Variants in ELAVL4 observed in about 807,000 individuals in gnomAD.
ELAVL4 encodes the protein ELAV like RNA binding protein 4.
Under a neutral mutation model 35.6 loss-of-function variants are expected in ELAVL4, and 1 was observed. The ratio of observed to expected loss-of-function variants is 0.03; its 90% CI spans 0.01 to 0.13. The LOEUF (loss-of-function observed/expected upper bound fraction) is 0.13. ELAVL4 is among the 10% of genes least tolerant of loss of function. ELAVL4 has a pLI of 1.00. For synonymous variants in ELAVL4, 156 were observed against 171.0 expected (o/e 0.91, Z 0.69); for missense variants, 267 against 464.9 (o/e 0.57, Z 3.91).
chr1:50,167,570 T>C (rs547380712), intron 2 of ELAVL4, among the ~76,000 whole-genome samples: 1 of 152,282 alleles, frequency 6.6e-6, no homozygotes, highest in African/African-American at 2.4e-5. Context: ...GGCTCGATAG[T>C]GGTCTCTGCT....
intron 2 of ELAVL4, among the ~76,000 whole-genome samples, chr1:50,150,888 G>T (rs1674667947): frequency 6.6e-6 from 1 of 152,192 alleles, no homozygotes. Flanking sequence ...TTTTTTGTGT[G>T]TGCCTTAATA....
At chr1:50,143,129 G>C (rs1043929941) in intron 1 of ELAVL4, among the ~76,000 whole-genome samples, 1 of 152,196 alleles carries the variant, frequency 6.6e-6, no homozygotes, top group Non-Finnish European at 1.5e-5. Context: ...CCTGAGAAAG[G>C]CATTTGGGGT....
At chr1:50,154,228 T>G (rs1675321459) in intron 2 of ELAVL4, among the ~76,000 whole-genome samples, 1 of 152,226 alleles carries the variant, frequency 6.6e-6, no homozygotes, top group Non-Finnish European at 1.5e-5. Context: ...AGTCTGATTC[T>G]GAGGTCTGCG....
chr1:50,133,657 GAA>G (rs1311872624), intron 1 of ELAVL4, among the ~76,000 whole-genome samples: 3 of 147,228 alleles, frequency 2.0e-5, no homozygotes, highest in Non-Finnish European at 1.5e-5. Flanking sequence ...GAAAGAGAAA[GAA>G]AGAAAGAAAG....
At chr1:50,175,614 G>A (rs1037475258) in intron 2 of ELAVL4, 1 of 152,196 alleles carries the variant, frequency 6.6e-6, no homozygotes, top group Non-Finnish European at 1.5e-5. Flanking sequence ...CCTAATGGAA[G>A]TGTCATTTTG....
chr1:50,172,551 A>G (rs184814015), intron 2 of ELAVL4, among the ~76,000 whole-genome samples: 1 of 152,278 alleles, frequency 6.6e-6, no homozygotes, highest in Admixed American at 6.5e-5. Context: ...AAAAAGTTCT[A>G]TTGGAACACA....
chr1:50,132,964 C>G (rs1331706804), intron 1 of ELAVL4, among the ~76,000 whole-genome samples: 1 of 152,142 alleles, frequency 6.6e-6, no homozygotes, highest in African/African-American at 2.4e-5. Context: ...GATAATCAAT[C>G]TTTTATTTCA....
intron 1 of ELAVL4, among the ~76,000 whole-genome samples, chr1:50,077,909 C>T (rs1466185164): frequency 3.3e-5 from 5 of 152,174 alleles, no homozygotes; most frequent in South Asian, 2.1e-4. Context: ...ACACAGATTC[C>T]CTGCATTAAG....
Position 50,195,545 on chromosome 1 carries a change from C to T in ELAVL4, c.509-16C>T. The T allele has an allele frequency of 6.2e-7, 1 of 1,613,406 alleles. No individual in the cohort carries two copies. The highest frequency in any genetic ancestry group is 1.3e-5 in the African/African-American group (1 of 75,018). On this transcript the variant is annotated splice_polypyrimidine_tract_variant and intron_variant, in intron 4 of 6. Transcript: ENST00000371824. ...GGTGTGTTCACTCTTTACAAAGGCT[C>T]TTTCTCTTTCCCCAGGAGTGTCCAG... is the stretch of plus-strand genomic sequence containing the variant.
At chr1:50,058,349 CA>C (rs1421505858) in intron 1 of ELAVL4, among the ~76,000 whole-genome samples, 2 of 152,090 alleles carry the variant, frequency 1.3e-5, no homozygotes, top group African/African-American at 4.8e-5. Context: ...TGACATTCAG[CA>C]GGGGTAAGGA....
upstream of ELAVL4, chr1:50,103,937 A>C: frequency 6.2e-7 from 1 of 1,613,892 alleles, no homozygotes; most frequent in African/African-American, 1.3e-5. Context: ...GTGCTGTTGC[A>C]CGTGAATGCT....
intron 6 of ELAVL4, among the ~76,000 whole-genome samples, chr1:50,198,758 C>T (rs1056311894): frequency 6.6e-6 from 1 of 152,124 alleles, no homozygotes; most frequent in Non-Finnish European, 1.5e-5. Context: ...GTAGGCCTGC[C>T]ACCACCTCCT....
At chr1:50,112,326 A>G (rs1276326379) in intron 1 of ELAVL4, among the ~76,000 whole-genome samples, 2 of 152,056 alleles carry the variant, frequency 1.3e-5, no homozygotes, top group Non-Finnish European at 2.9e-5. Flanking sequence ...GTTAGGGGAA[A>G]ATAATTTCTG....
At chr1:50,104,833 A>C (rs936730946), upstream of ELAVL4, among the ~76,000 whole-genome samples, 2 of 152,190 alleles carry the variant, frequency 1.3e-5, no homozygotes, top group Admixed American at 1.3e-4. Context: ...AATCACTTGG[A>C]GCTTTCAACT....
At chr1:50,117,099 T>C (rs1308296209) in intron 1 of ELAVL4, among the ~76,000 whole-genome samples, 1 of 152,168 alleles carries the variant, frequency 6.6e-6, no homozygotes, top group Non-Finnish European at 1.5e-5. Flanking sequence ...GGCTAAAATA[T>C]GTAAATTGGT....
At chr1:50,100,241 A>T (rs905807619), upstream of ELAVL4, among the ~76,000 whole-genome samples, 2 of 152,204 alleles carry the variant, frequency 1.3e-5, no homozygotes, top group African/African-American at 4.8e-5. Context: ...ACACACAGTG[A>T]ATGTTCCGTC....
At chr1:50,179,195 C>T (rs113696921) in intron 3 of ELAVL4, among the ~76,000 whole-genome samples, 9 of 147,390 alleles carry the variant, frequency 6.1e-5, no homozygotes, top group African/African-American at 1.7e-4. Context: ...TGTATCAAAA[C>T]GCTGCCAACA....
chr1:50,075,653 C>A (rs1006977625), intron 1 of ELAVL4, among the ~76,000 whole-genome samples: 2 of 152,170 alleles, frequency 1.3e-5, no homozygotes, highest in African/African-American at 2.4e-5. Context: ...CCTATACTTA[C>A]AATGGTTCAA....
At chr1:50,147,758 A>T (rs1056379448) in intron 2 of ELAVL4, among the ~76,000 whole-genome samples, 30 of 152,086 alleles carry the variant, frequency 2.0e-4, no homozygotes, top group African/African-American at 7.0e-4. Flanking sequence ...GTTTACAAGG[A>T]GTTCTAAATA....
Sources: allele counts gnomAD v4.1 joint callset (sites outside exome capture counted in the v4.1 genomes callset), GRCh38; gene constraint gnomAD v4.1.1; transcripts MANE v1.5; gene names NCBI Gene and HGNC (gene_info 2026-07-23, HGNC 2026-07-21).